DEUP1: variants seen among roughly 807,000 people sequenced by gnomAD.
DEUP1 encodes the protein coiled-coil domain containing 67.
A neutral mutation model predicts 87.4 loss-of-function variants in DEUP1; 82 were observed. The ratio of observed to expected loss-of-function variants is 0.94; its 90% CI spans 0.78 to 1.13. The LOEUF (loss-of-function observed/expected upper bound fraction) is 1.13. DEUP1 is among the 50% of genes most tolerant of loss of function. DEUP1 has a pLI of 0.00. For missense variants in DEUP1, 663 were observed against 681.5 expected (o/e 0.97, Z 0.30); for synonymous variants, 214 against 222.7 (o/e 0.96, Z 0.35).
chr11:93,345,400 T>C (rs1944296052), intron 2 of DEUP1, among the ~76,000 whole-genome samples: 1 of 152,226 alleles, frequency 6.6e-6, no homozygotes, highest in South Asian at 2.1e-4. Context: ...AGTTGAATGG[T>C]ATTTCTGTTT....
At chr11:93,409,567 A>T (rs971790570) in intron 12 of DEUP1, among the ~76,000 whole-genome samples, 2 of 152,198 alleles carry the variant, frequency 1.3e-5, no homozygotes, top group African/African-American at 2.4e-5. Context: ...ATATCAATTT[A>T]TTATTTCATT....
At chr11:93,347,894 C>G in intron 2 of DEUP1, among the ~76,000 whole-genome samples, 1 of 152,076 alleles carries the variant, frequency 6.6e-6, no homozygotes. Flanking sequence ...CGCGTGCCAC[C>G]ACGCCTGGCT....
chr11:93,342,747 G>C (rs1267115038), intron 2 of DEUP1, among the ~76,000 whole-genome samples: 3 of 152,198 alleles, frequency 2.0e-5, no homozygotes, highest in African/African-American at 7.2e-5. Context: ...AACTAGGAGA[G>C]AATCAATAAG....
At chr11:93,352,535 A>T (rs1392916031) in intron 2 of DEUP1, 9 of 618,212 alleles carry the variant, frequency 1.5e-5, no homozygotes, top group Non-Finnish European at 2.0e-5. Flanking sequence ...GACTATTAGT[A>T]ACCTCACTGT....
intron 11 of DEUP1, among the ~76,000 whole-genome samples, chr11:93,406,255 G>A (rs1253451538): frequency 6.6e-6 from 1 of 151,880 alleles, no homozygotes; most frequent in Non-Finnish European, 1.5e-5. Context: ...TCATAAGGAA[G>A]ATACATTGCT....
chr11:93,355,744 T>C (rs1248661338), intron 3 of DEUP1, among the ~76,000 whole-genome samples: 2 of 152,186 alleles, frequency 1.3e-5, no homozygotes, highest in Non-Finnish European at 1.5e-5. Flanking sequence ...AGATGTTTGC[T>C]GATAGAGACA....
chr11:93,343,709 T>A (rs1432471705), intron 2 of DEUP1, among the ~76,000 whole-genome samples: 1 of 152,242 alleles, frequency 6.6e-6, no homozygotes, highest in African/African-American at 2.4e-5. Flanking sequence ...TTTAAATTTG[T>A]ATGAGCCTAT....
intron 9 of DEUP1, among the ~76,000 whole-genome samples, chr11:93,392,441 A>T (rs1275394321): frequency 6.6e-6 from 1 of 152,218 alleles, no homozygotes; most frequent in African/African-American, 2.4e-5. Flanking sequence ...TGTGGGGATT[A>T]AATGAGATGA....
intron 4 of DEUP1, 77 bp downstream of exon 4, chr11:93,357,120 A>G: frequency 1.2e-6 from 1 of 864,942 alleles, no homozygotes. Context: ...GTTAACTTTA[A>G]ACTGTTTTCA....
chr11:93,343,526 C>T (rs1052870543), intron 2 of DEUP1, among the ~76,000 whole-genome samples: 3 of 152,226 alleles, frequency 2.0e-5, no homozygotes, highest in East Asian at 1.9e-4. Context: ...ATATAAAGAT[C>T]GCCCTGAAGA....
At chr11:93,357,108 G>A (rs1299621252) in intron 4 of DEUP1, 65 bp downstream of exon 4, 3 of 971,570 alleles carry the variant, frequency 3.1e-6, no homozygotes, top group Non-Finnish European at 4.6e-6. Flanking sequence ...CTGTAGAGTT[G>A]TGTTAACTTT....
chr11:93,351,935 C>T (rs1944645976), intron 2 of DEUP1, among the ~76,000 whole-genome samples: 1 of 152,210 alleles, frequency 6.6e-6, no homozygotes, highest in South Asian at 2.1e-4. Flanking sequence ...TGCAATGGAG[C>T]AAATTTGTAC....
At position 93,355,496 on chromosome 11, in the gene DEUP1, A is replaced by C. The variant is rs1377021352; in HGVS notation, c.155A>C (p.Gln52Pro). Residue 52 changes from glutamine to proline, a missense_variant, in exon 3 of 14, where the codon CAA becomes CCA. Gln to Pro is a moderately conservative substitution (Grantham distance 76, BLOSUM62 -1). Transcript: ENST00000298050. ...ALETRLDLRD[Q>P]ELANAQTCLD... Reference sequence around the variant, plus strand: ...GAGACACGATTAGATCTTCGGGATCAAGAATTGGCAAATGCACAAACTTGT... The same window carrying C: ...GAGACACGATTAGATCTTCGGGATCCAGAATTGGCAAATGCACAAACTTGT... 6.2e-7 allele frequency: 1 copy of C among 1,613,746 alleles called. No individual in the cohort carries two copies. Among genetic ancestry groups the C allele is most frequent in the African/African-American group, 1.3e-5 (1 of 74,932 alleles).
intron 5 of DEUP1, among the ~76,000 whole-genome samples, chr11:93,364,536 A>T (rs979020276): frequency 1.3e-5 from 2 of 151,974 alleles, no homozygotes; most frequent in African/African-American, 4.8e-5. Flanking sequence ...TTAAAAAAAA[A>T]AGAGCCAAAA....
Position 93,417,670 on chromosome 11 carries a change from T to A in DEUP1, c.1638+2556T>A, listed in dbSNP as rs10765610. Among the ~76,000 whole-genome samples the A allele has an allele frequency of 6.8e-5, 10 of 146,158 alleles. No individual in the cohort carries two copies. The East Asian group carries it at 1.6e-3, about 23-fold the overall frequency. On this transcript the variant is annotated intron_variant, in intron 13 of 13. Coordinates refer to ENST00000298050, the MANE Select transcript of DEUP1 (RefSeq NM_181645.4). The stretch of plus-strand genomic sequence containing the variant: ...ACCAATGACTTTCTTCACAGAATTG[T>A]AAAAAACTACTTTAAAGTTCATATG...
chr11:93,371,518 G>A (rs1945728799), intron 7 of DEUP1, among the ~76,000 whole-genome samples: 1 of 152,090 alleles, frequency 6.6e-6, no homozygotes, highest in South Asian at 2.1e-4. Flanking sequence ...TATTACCAGT[G>A]CAATATAATA....
chr11:93,386,054 A>C (rs1278773465), intron 8 of DEUP1, among the ~76,000 whole-genome samples: 1 of 152,122 alleles, frequency 6.6e-6, no homozygotes, highest in Non-Finnish European at 1.5e-5. Context: ...GTTTCAAAAA[A>C]AAAAAAGATA....
At chr11:93,369,495 G>A (rs1945596675) in intron 5 of DEUP1, among the ~76,000 whole-genome samples, 1 of 151,360 alleles carries the variant, frequency 6.6e-6, no homozygotes, top group South Asian at 2.1e-4. Context: ...TTAGTAATAA[G>A]TATTTGTTAT....
At chr11:93,349,617 G>A (rs963215251) in intron 2 of DEUP1, among the ~76,000 whole-genome samples, 1 of 151,684 alleles carries the variant, frequency 6.6e-6, no homozygotes, top group Admixed American at 6.6e-5. Context: ...AGAAGAGCTA[G>A]AATTAGAAGG....
Sources: allele counts gnomAD v4.1 joint callset (sites outside exome capture counted in the v4.1 genomes callset), GRCh38; gene constraint gnomAD v4.1.1; transcripts MANE v1.5; gene names NCBI Gene and HGNC (gene_info 2026-07-23, HGNC 2026-07-21).